Variants in SVEP1 observed in about 807,000 individuals in gnomAD.
SVEP1 encodes the protein sushi, von Willebrand factor type A, EGF and pentraxin domain-containing protein 1.
A neutral mutation model predicts 367.3 loss-of-function variants in SVEP1; 164 were observed. The ratio of observed to expected loss-of-function variants is 0.45; its 90% CI spans 0.39 to 0.51. The LOEUF (loss-of-function observed/expected upper bound fraction) is 0.51. Among genes scored for constraint, SVEP1 ranks in the 20% least tolerant of loss-of-function variants. The pLI is 0.00. For synonymous variants in SVEP1, 1,666 were observed against 1,611.6 expected (o/e 1.03, Z -0.81); for missense variants, 4,117 against 4,425.3 (o/e 0.93, Z 1.98).
rs756766136 is a variant in SVEP1 at position 110,401,008 on chromosome 9, A to C, written c.9668T>G (p.Leu3223Arg). 3 of 1,613,206 alleles carry C rather than the reference A, an allele frequency of 1.9e-6. 1 individual carries two copies. In the South Asian group the frequency reaches 3.3e-5, roughly 18 times the overall value. ...FEGVNISVCQ[L>R]DGTWEPPFSD... ...GAATGGTGGCTCCCAGGTTCCATCA[A>C]GCTAAGTGACAAATAACAAAATGTA... The change falls in exon 40 of 48, where the codon CTT (leucine) becomes CGT (arginine). Residue 3223 changes from leucine (L) to arginine (R), a missense_variant and splice_region_variant. Physicochemically the swap from Leu to Arg is moderately radical, Grantham distance 102. Transcript: ENST00000374469.
At chr9:110,440,484 G>A (rs530881673) in intron 27 of SVEP1, among the ~76,000 whole-genome samples, 8 of 152,286 alleles carry the variant, frequency 5.3e-5, no homozygotes, top group Non-Finnish European at 7.4e-5. Context: ...GACTTAGACA[G>A]ATGAAAAAAC....
chr9:110,450,081 T>C lies in SVEP1; in HGVS notation c.4081A>G (p.Lys1361Glu). 1 of 1,613,878 alleles carries C rather than the reference T, an allele frequency of 6.2e-7. No homozygotes were observed. Among genetic ancestry groups the C allele is most frequent in the South Asian group, 1.1e-5 (1 of 91,080 alleles). ...TACCTGAAGCTATTGGCACCGTCTTTACAGGTAGCTCCATTTTTGCATGGC... is the reference window on the plus strand; with the variant it reads ...TACCTGAAGCTATTGGCACCGTCTTCACAGGTAGCTCCATTTTTGCATGGC... ...SQPCKNGATC[K>E]DGANSFRCLC... Residue 1361 changes from lysine (K) to glutamate (E), a missense_variant, in exon 24 of 48, where the codon AAA becomes GAA. Transcript: ENST00000374469.
chr9:110,479,717 A>G lies in SVEP1; in HGVS notation c.2405T>C (p.Met802Thr). 1 of 1,610,086 alleles carries G rather than the reference A, an allele frequency of 6.2e-7. No individual in the cohort carries two copies. The highest frequency in any genetic ancestry group is 2.2e-5 in the East Asian group (1 of 44,712). The change falls in exon 13 of 48, where the codon ATG becomes ACG. Residue 802 changes from methionine (M) to threonine (T), a missense_variant. Transcript: ENST00000374469. ...ATCACAACGAGCTGCTTTGTAGAAC[A>G]TCTCAAAGGACTTGAACCCGTGGTT... ...FANHGFKSFE[M>T]FYKAARCDDT...
At position 110,479,724 on chromosome 9, in the gene SVEP1, A is replaced by G; in HGVS notation, c.2398T>C (p.Phe800Leu). ...CGAGCTGCTTTGTAGAACATCTCAA[A>G]GGACTTGAACCCGTGGTTTGCAAAA... is the stretch of plus-strand genomic sequence containing the variant. ...KRFANHGFKS[F>L]EMFYKAARCD... Residue 800 changes from phenylalanine to leucine, a missense_variant, in exon 13 of 48, where the codon TTT (phenylalanine) becomes CTT (leucine). Coordinates refer to ENST00000374469, the MANE Select transcript of SVEP1 (RefSeq NM_153366.4). The G allele has an allele frequency of 1.2e-5, 20 of 1,609,856 alleles. No individual in the cohort carries two copies. Among genetic ancestry groups the G allele is most frequent in the Non-Finnish European group, 1.6e-5 (19 of 1,178,552 alleles).
At chr9:110,370,355 T>C (rs1454209204) in intron 46 of SVEP1, among the ~76,000 whole-genome samples, 1 of 152,182 alleles carries the variant, frequency 6.6e-6, no homozygotes, top group African/African-American at 2.4e-5. Flanking sequence ...TTTGAATGTT[T>C]TGAACTATAA....
chr9:110,469,429 T>G (rs76947968), intron 16 of SVEP1, among the ~76,000 whole-genome samples: 4,646 of 152,274 alleles, frequency 0.031, 238 homozygotes, highest in African/African-American at 0.11. Context: ...AAGAAAAAGC[T>G]GATGGAGAAA....
chr9:110,539,616 T>TAC (rs1830119576), intron 3 of SVEP1, among the ~76,000 whole-genome samples: 1 of 826 alleles, frequency 1.2e-3, no homozygotes, highest in African/African-American at 0.029. Flanking sequence ...ATTTTTAAAG[T>TAC]ATATATATAC....
chr9:110,483,023 T>C (rs1342752282), intron 10 of SVEP1, among the ~76,000 whole-genome samples: 1 of 152,182 alleles, frequency 6.6e-6, no homozygotes, highest in African/African-American at 2.4e-5. Flanking sequence ...TTTCTCAAAG[T>C]CCTTTGAGAT....
chr9:110,389,968 A>G (rs1034676314), intron 40 of SVEP1, among the ~76,000 whole-genome samples: 2 of 148,532 alleles, frequency 1.3e-5, no homozygotes, highest in African/African-American at 5.0e-5. Context: ...CATACACAAT[A>G]GAGTACTATT....
Position 110,406,754 on chromosome 9 carries a change from C to T in SVEP1, c.8846G>A (p.Cys2949Tyr), listed in dbSNP as rs1373830629. The T allele has an allele frequency of 1.9e-6, 3 of 1,614,038 alleles. No individual in the cohort carries two copies. The highest frequency in any genetic ancestry group is 2.5e-6 in the Non-Finnish European group (3 of 1,179,892). Residue 2949 changes from cysteine to tyrosine, a missense_variant, in exon 38 of 48, where the codon TGT becomes TAT. By Grantham distance (194) the Cys-to-Tyr change is radical. This residue lies in a region of SVEP1 where 1,765 missense variants were observed against 1,781.1 expected (regional missense o/e 0.99). Coordinates refer to ENST00000374469, the MANE Select transcript of SVEP1 (RefSeq NM_153366.4). ...AEIPLCKPVN[C>Y]GPPEDLAHGF... ...ATGGGCAAGATCTTCAGGAGGTCCACAGTTGACTGGTTTACAGAGAGGAAT... is the reference window on the plus strand; with the variant it reads ...ATGGGCAAGATCTTCAGGAGGTCCATAGTTGACTGGTTTACAGAGAGGAAT...
chr9:110,444,250 G>A (rs1389554341), intron 26 of SVEP1, among the ~76,000 whole-genome samples: 2 of 152,166 alleles, frequency 1.3e-5, no homozygotes. Context: ...ATGTGATTAG[G>A]AGGTGGAGTC....
chr9:110,377,282 A>T lies in SVEP1; in HGVS notation c.10493T>A (p.Leu3498His). 6.2e-7 allele frequency: 1 copy of T among 1,613,524 alleles called. No individual in the cohort carries two copies. The highest frequency in any genetic ancestry group is 8.5e-7 in the Non-Finnish European group (1 of 1,179,556). ...CSCPEGWMGR[L>H]CEEPICILPC... ...GAAGAGCAACTCACGTTCTTCACAG[A>T]GGCGCCCCATCCAGCCCTCTGGACA... The change falls in exon 45 of 48, where the codon CTC (leucine) becomes CAC (histidine). Residue 3498 changes from leucine to histidine, a missense_variant. By Grantham distance (99) the Leu-to-His change is moderately conservative. Transcript: ENST00000374469.
At position 110,406,463 on chromosome 9, in the gene SVEP1, C is replaced by A; in HGVS notation, c.9137G>T (p.Cys3046Phe). ...FKLLGLSEITCEADGQWSSGF... is the reference protein window; with the variant it reads ...FKLLGLSEITFEADGQWSSGF... ...AGAGCTCCACTGGCCATCGGCTTCA[C>A]AGGTGATTTCAGAAAGTCCTAGGAG... The change falls in exon 38 of 48, where the codon TGT becomes TTT. Residue 3046 changes from cysteine to phenylalanine, a missense_variant. Physicochemically the swap from Cys to Phe is radical, Grantham distance 205 (BLOSUM62 -2). Around this residue, in one of 4 missense-constraint regions of SVEP1, gnomAD observed 1,765 missense variants for 1,781.1 expected, o/e 0.99. Coordinates refer to ENST00000374469, the MANE Select transcript of SVEP1 (RefSeq NM_153366.4). 6.2e-7 allele frequency: 1 copy of A among 1,613,994 alleles called. No individual in the cohort carries two copies. Among genetic ancestry groups the A allele is most frequent in the South Asian group, 1.1e-5 (1 of 91,084 alleles).
chr9:110,469,769 A>T (rs1391675052), intron 16 of SVEP1, among the ~76,000 whole-genome samples: 1 of 152,234 alleles, frequency 6.6e-6, no homozygotes, highest in Non-Finnish European at 1.5e-5. Flanking sequence ...CTCCAAATGC[A>T]TTAGTCCTAG....
chr9:110,558,333 CAAA>C (rs60516091), intron 1 of SVEP1, among the ~76,000 whole-genome samples: 6 of 88,328 alleles, frequency 6.8e-5, no homozygotes, highest in Middle Eastern at 6.3e-3. Flanking sequence ...CCTGTCTCTA[CAAA>C]AAAAAAAAAA....
intron 8 of SVEP1, among the ~76,000 whole-genome samples, chr9:110,492,802 T>C (rs1297500037): frequency 6.6e-6 from 1 of 152,016 alleles, no homozygotes; most frequent in Non-Finnish European, 1.5e-5. Context: ...CAGCATCCCA[T>C]TCCCAGGCTG....
intron 47 of SVEP1, among the ~76,000 whole-genome samples, chr9:110,368,836 T>C (rs1439061638): frequency 6.6e-6 from 1 of 152,208 alleles, no homozygotes; most frequent in Non-Finnish European, 1.5e-5. Context: ...AGAGATGGCA[T>C]ATACTTGAGA....
chr9:110,393,798 C>G (rs755382792), intron 40 of SVEP1, among the ~76,000 whole-genome samples: 3 of 152,148 alleles, frequency 2.0e-5, no homozygotes, highest in Non-Finnish European at 2.9e-5. Context: ...AAGGCAGCAG[C>G]GAGGCTGGGG....
At chr9:110,448,833 A>T (rs1322866406) in intron 24 of SVEP1, among the ~76,000 whole-genome samples, 1 of 152,232 alleles carries the variant, frequency 6.6e-6, no homozygotes, top group East Asian at 1.9e-4. Context: ...GCTACATGAT[A>T]AGACCTCATT....
Sources: gnomAD v4.1 joint callset for allele counts (sites outside exome capture counted in the v4.1 genomes callset) on GRCh38, gnomAD v4.1.1 for gene constraint, gnomAD v4.1.1 regional missense constraint, MANE v1.5 for transcripts, NCBI Gene and HGNC (gene_info 2026-07-23, HGNC 2026-07-21) for gene names.